COL4A1: variants seen among roughly 807,000 people sequenced by gnomAD.
The protein encoded by COL4A1 is collagen type IV alpha 1 chain.
In COL4A1, 40 loss-of-function variants were observed where a neutral mutation model predicts 216.6. That is an observed-to-expected ratio of 0.18 (90% CI 0.14 to 0.24). The LOEUF is 0.24. Ranked by LOEUF, COL4A1 falls within the 10% of genes least tolerant of loss-of-function variation. The pLI, the probability that COL4A1 is intolerant of heterozygous loss-of-function variation, is 1.00. For missense variants in COL4A1, 1,628 were observed against 2,196.8 expected (o/e 0.74, Z 5.18); for synonymous variants, 839 against 810.7 (o/e 1.03, Z -0.59).
Position 110,207,319 on chromosome 13 carries a change from T to C in COL4A1, c.780+84A>G. 1 of 1,201,848 alleles carries C rather than the reference T, an allele frequency of 8.3e-7. No homozygotes were observed. The highest frequency in any genetic ancestry group is 1.2e-6 in the Non-Finnish European group (1 of 804,562). The allele number at this position is 1,201,848 out of a possible 1,614,324, so 74.4% of individuals were successfully genotyped here. On this transcript the variant is annotated intron_variant, in intron 13 of 51. Transcript: ENST00000375820. The surrounding 1 kb of genome is among the most constrained non-coding windows in gnomAD (Gnocchi z 4.4). ...CAGGATTGAATGTAGCTGGAAAAAC[T>C]GAGTTTTGACCCATTTTCTCTTTAT... is the stretch of plus-strand genomic sequence containing the variant.
intron 1 of COL4A1, among the ~76,000 whole-genome samples, chr13:110,289,658 A>G (rs772184161): frequency 3.0e-4 from 45 of 152,232 alleles, no homozygotes; most frequent in Non-Finnish European, 5.3e-4. Flanking sequence ...TTACACTGCA[A>G]ATTACGCTAT....
At chr13:110,187,451 G>T in intron 24 of COL4A1, 122 bp from the exon 25 acceptor site, 2 of 1,100,136 alleles carry the variant, frequency 1.8e-6, no homozygotes, top group Non-Finnish European at 2.7e-6. Context: ...ATGCATTCAT[G>T]CCTCATCATT....
intron 1 of COL4A1, among the ~76,000 whole-genome samples, chr13:110,247,708 A>G (rs546667763): frequency 4.7e-4 from 72 of 151,724 alleles, no homozygotes; most frequent in African/African-American, 1.7e-3. Flanking sequence ...ATTCCAGAGG[A>G]TGCAAAAAGA....
chr13:110,175,588 G>T lies in COL4A1; in HGVS notation c.3059-231C>A, dbSNP rs16975470. Among the ~76,000 whole-genome samples, 363 of 152,280 alleles carry T rather than the reference G, an allele frequency of 2.4e-3. 5 individuals carry two copies. Among genetic ancestry groups the T allele is most frequent in the African/African-American group, 8.4e-3 (350 of 41,558 alleles). On this transcript the variant is annotated intron_variant, in intron 36 of 51. Transcript: ENST00000375820. ...AGCCACGCTAGGAAATGTCTCTCCC[G>T]TCCTTTAAGACCATCATGTTATAAG... is the stretch of plus-strand genomic sequence containing the variant.
chr13:110,213,633 C>G, intron 4 of COL4A1, 149 bp downstream of exon 4: 1 of 762,302 alleles, frequency 1.3e-6, no homozygotes, highest in Admixed American at 2.0e-5. Flanking sequence ...TCCTCACTGC[C>G]TGCCTCGCGC....
At chr13:110,280,063 T>C (rs112221829) in intron 1 of COL4A1, among the ~76,000 whole-genome samples, 1,663 of 152,382 alleles carry the variant, frequency 0.011, 37 homozygotes, top group African/African-American at 0.037. Flanking sequence ...TCTGTTTCTA[T>C]TGGCAATTTT....
chr13:110,228,237 C>CGGGGGGGGGGGGG (rs59600040), intron 2 of COL4A1, among the ~76,000 whole-genome samples: 1 of 118,998 alleles, frequency 8.4e-6, no homozygotes, highest in Non-Finnish European at 1.7e-5. Context: ...GGTGCGGGGG[C>CGGGGGGGGGGGGG]GGGGGGGGGG....
rs889391618 is a variant in COL4A1, at chr13:110,152,754, A to T, written c.4756-248T>A. 2.0e-5 allele frequency among the ~76,000 whole-genome samples: 3 copies of T among 152,328 alleles called. No individual in the cohort carries two copies. The South Asian group carries it at 6.2e-4, about 32-fold the overall frequency. On this transcript the variant is annotated intron_variant, in intron 50 of 51. Coordinates refer to ENST00000375820, the MANE Select transcript of COL4A1 (RefSeq NM_001845.6). Reference sequence around the variant, plus strand: ...ATCGTCTAATGGCTGCTTCCCAAATAGGTGACCAGCCCAGCTTCATTAGAG... The same window carrying T: ...ATCGTCTAATGGCTGCTTCCCAAATTGGTGACCAGCCCAGCTTCATTAGAG...
intron 31 of COL4A1, 100 bp downstream of exon 31, chr13:110,178,823 A>G (rs978311536): frequency 4.6e-6 from 4 of 866,034 alleles, no homozygotes; most frequent in African/African-American, 3.4e-5. Context: ...TATCTCATAC[A>G]TTGTGCTAAG....
intron 2 of COL4A1, among the ~76,000 whole-genome samples, chr13:110,237,164 C>T (rs139689351): frequency 2.2e-3 from 330 of 152,260 alleles, no homozygotes; most frequent in African/African-American, 7.6e-3. Context: ...GCAGTGGGTC[C>T]GCCACAGAGT....
At position 110,176,969 on chromosome 13, in the gene COL4A1, C is replaced by T. The variant is rs559277622; in HGVS notation, c.2785G>A (p.Val929Ile). The change falls in exon 34 of 52, where the codon GTC becomes ATC. Residue 929 changes from valine (V) to isoleucine (I), a missense_variant. Coordinates refer to ENST00000375820, the MANE Select transcript of COL4A1 (RefSeq NM_001845.6). ...DPGLKGDKGD[V>I]GLPGKPGSMD... ...GAGCCAGGCTTGCCAGGGAGACCGA[C>T]ATCCCCCTTATCACCTTTCAAGCCA... 73 of 1,614,192 alleles carry T rather than the reference C, an allele frequency of 4.5e-5. 1 individual carries two copies. In the South Asian group the frequency reaches 7.8e-4, roughly 17 times the overall value.
At chr13:110,280,835 C>A (rs111743233) in intron 1 of COL4A1, among the ~76,000 whole-genome samples, 1,672 of 152,138 alleles carry the variant, frequency 0.011, 37 homozygotes, top group African/African-American at 0.038. Flanking sequence ...ATTCTTTCAA[C>A]GAACACATGT....
At chr13:110,215,668 G>C (rs1179621665) in intron 2 of COL4A1, among the ~76,000 whole-genome samples, 5 of 152,092 alleles carry the variant, frequency 3.3e-5, no homozygotes, top group Non-Finnish European at 5.9e-5. Context: ...GAATTGGGTA[G>C]ATTCAGTAAC....
At chr13:110,163,893 G>C (rs767330690) in intron 46 of COL4A1, among the ~76,000 whole-genome samples, 8 of 151,812 alleles carry the variant, frequency 5.3e-5, no homozygotes, top group Non-Finnish European at 1.0e-4. Flanking sequence ...CATATACTGG[G>C]GTCTCAATTT....
Position 110,177,824 on chromosome 13 carries a change from G to C in COL4A1, c.2716+18C>G, listed in dbSNP as rs367677949. ...AAATAGACACAAAATGAGCTTCTAG[G>C]GTTATCAGCTCCCCTACCTTTTTCA... On this transcript the variant is annotated intron_variant, in intron 33 of 51. Coordinates refer to ENST00000375820, the MANE Select transcript of COL4A1 (RefSeq NM_001845.6). 5 of 1,611,392 alleles carry C rather than the reference G, an allele frequency of 3.1e-6. No individual in the cohort carries two copies. The African/African-American group carries it at 6.7e-5, about 22-fold the overall frequency.
intron 1 of COL4A1, among the ~76,000 whole-genome samples, chr13:110,279,640 C>T (rs1036101054): frequency 1.3e-5 from 2 of 152,166 alleles, no homozygotes; most frequent in African/African-American, 2.4e-5. Flanking sequence ...CAGGGGAAAA[C>T]CTCCTAGCAT....
At chr13:110,150,768 C>T (rs962683364) in intron 51 of COL4A1, among the ~76,000 whole-genome samples, 1 of 152,232 alleles carries the variant, frequency 6.6e-6, no homozygotes, top group African/African-American at 2.4e-5. Flanking sequence ...CACCCTGCCT[C>T]CTCGTACTAC....
chr13:110,286,565 C>G (rs1242001662), intron 1 of COL4A1, among the ~76,000 whole-genome samples: 1 of 152,176 alleles, frequency 6.6e-6, no homozygotes, highest in Non-Finnish European at 1.5e-5. Context: ...AGACCACCAG[C>G]TGGGATACAG....
intron 1 of COL4A1, among the ~76,000 whole-genome samples, chr13:110,244,856 G>A (rs1051776280): frequency 1.4e-4 from 21 of 151,918 alleles, no homozygotes; most frequent in Admixed American, 3.9e-4. Context: ...AATCAAGAAG[G>A]GTACTAATTA....
Sources: allele counts gnomAD v4.1 joint callset (sites outside exome capture counted in the v4.1 genomes callset), GRCh38; gene constraint gnomAD v4.1.1; non-coding constraint Gnocchi (gnomAD v3.1); transcripts MANE v1.5; gene names NCBI Gene and HGNC (gene_info 2026-07-23, HGNC 2026-07-21).